SGCD: variants seen among roughly 807,000 people sequenced by gnomAD.
SGCD encodes sarcoglycan delta.
A neutral mutation model predicts 36.6 loss-of-function variants in SGCD; 18 were observed. The ratio of observed to expected loss-of-function variants is 0.49; its 90% CI spans 0.34 to 0.73. The LOEUF (loss-of-function observed/expected upper bound fraction) is 0.73. Ranked by LOEUF, SGCD falls within the 30% of genes least tolerant of loss-of-function variation. The pLI, the probability that SGCD is intolerant of heterozygous loss-of-function variation, is 0.01. For missense variants in SGCD, 387 were observed against 346.7 expected (o/e 1.12, Z -0.92); for synonymous variants, 133 against 130.6 (o/e 1.02, Z -0.12).
At chr5:156,575,265 C>T (rs1420441248) in intron 4 of SGCD, among the ~76,000 whole-genome samples, 1 of 152,166 alleles carries the variant, frequency 6.6e-6, no homozygotes, top group Non-Finnish European at 1.5e-5. Flanking sequence ...AGACAGCTGC[C>T]TCCTTGAACT....
intron 1 of SGCD, among the ~76,000 whole-genome samples, chr5:156,047,384 T>C (rs900915795): frequency 6.6e-6 from 1 of 152,182 alleles, no homozygotes; most frequent in African/African-American, 2.4e-5. Flanking sequence ...AGGACTTTCA[T>C]AGCTAAAGGG....
chr5:156,367,378 A>AAAC (rs138548425), intron 3 of SGCD, among the ~76,000 whole-genome samples: 5 of 152,126 alleles, frequency 3.3e-5, no homozygotes, highest in Admixed American at 6.5e-5. Flanking sequence ...ATTTTTTTTA[A>AAAC]AACAACAACA....
chr5:155,966,588 T>G (rs1757905959), intron 1 of SGCD, among the ~76,000 whole-genome samples: 1 of 152,128 alleles, frequency 6.6e-6, no homozygotes, highest in East Asian at 1.9e-4. Flanking sequence ...CTGCCAGCAT[T>G]TGAATCTCTG....
At chr5:156,215,361 C>T (rs1458054181) in intron 3 of SGCD, among the ~76,000 whole-genome samples, 2 of 151,970 alleles carry the variant, frequency 1.3e-5, no homozygotes, top group Non-Finnish European at 2.9e-5. Flanking sequence ...AAAGCTCATG[C>T]ACAGTAAAGG....
At chr5:156,684,367 T>C (rs1477348352) in intron 7 of SGCD, among the ~76,000 whole-genome samples, 1 of 152,192 alleles carries the variant, frequency 6.6e-6, no homozygotes, top group Non-Finnish European at 1.5e-5. Context: ...TGGATGCTTT[T>C]GATGAGGGTT....
At chr5:156,207,451 C>T (rs1205010055) in intron 3 of SGCD, among the ~76,000 whole-genome samples, 1 of 152,092 alleles carries the variant, frequency 6.6e-6, no homozygotes, top group Non-Finnish European at 1.5e-5. Flanking sequence ...CGAAAATGTG[C>T]TCATGATTTT....
chr5:156,699,272 GAGT>G (rs60111913), intron 7 of SGCD, among the ~76,000 whole-genome samples: 8,518 of 152,164 alleles, frequency 0.056, 383 homozygotes, highest in East Asian at 0.21. Context: ...GGGAAAAGTG[GAGT>G]AGAAGAAGGT....
the SGCD span, among the ~76,000 whole-genome samples, chr5:155,741,708 T>C: frequency 6.7e-6 from 1 of 149,178 alleles, no homozygotes; most frequent in Admixed American, 6.7e-5. Flanking sequence ...TTTTTTTTAA[T>C]TAGGGACTAA....
chr5:155,745,976 G>A, the SGCD span, among the ~76,000 whole-genome samples: 20 of 152,290 alleles, frequency 1.3e-4, no homozygotes, highest in African/African-American at 3.6e-4. Flanking sequence ...CCTCTCCTGT[G>A]TGTACACACT....
chr5:156,393,613 A>G, intron 3 of SGCD: 3 of 411,266 alleles, frequency 7.3e-6, no homozygotes, highest in South Asian at 5.4e-5. Flanking sequence ...AGTCATGTTA[A>G]TAGGTTGAAA....
intron 3 of SGCD, among the ~76,000 whole-genome samples, chr5:156,185,457 G>T (rs557225806): frequency 1.2e-4 from 18 of 151,956 alleles, no homozygotes; most frequent in African/African-American, 4.1e-4. Context: ...CTTGTGATCC[G>T]CCCGCCTTGG....
intron 3 of SGCD, among the ~76,000 whole-genome samples, chr5:156,279,861 G>T (rs2127672847): frequency 6.6e-6 from 1 of 152,084 alleles, no homozygotes; most frequent in South Asian, 2.1e-4. Context: ...CAAAATAATG[G>T]CCCACACAAC....
At chr5:156,286,789 G>A (rs567300130) in intron 3 of SGCD, among the ~76,000 whole-genome samples, 45 of 151,864 alleles carry the variant, frequency 3.0e-4, no homozygotes, top group Non-Finnish European at 4.9e-4. Context: ...AAACCTGCAC[G>A]TTGTGCACAT....
At chr5:156,448,504 A>G (rs971990228) in intron 3 of SGCD, among the ~76,000 whole-genome samples, 4 of 152,104 alleles carry the variant, frequency 2.6e-5, no homozygotes, top group Admixed American at 6.6e-5. Flanking sequence ...AGCTTTGGCA[A>G]TCCCATCTTT....
chr5:155,813,873 C>G, the SGCD span, among the ~76,000 whole-genome samples: 1 of 152,174 alleles, frequency 6.6e-6, no homozygotes, highest in African/African-American at 2.4e-5. Flanking sequence ...ACCATTAAAT[C>G]AGAGTCCTCA....
intron 6 of SGCD, among the ~76,000 whole-genome samples, chr5:156,597,764 AG>A (rs76906458): frequency 0.26 from 39,484 of 152,058 alleles, 5,190 homozygotes; most frequent in East Asian, 0.31. Context: ...TTTTTATAAA[AG>A]GTCTATTGAT....
intron 3 of SGCD, among the ~76,000 whole-genome samples, chr5:156,269,892 T>C (rs555512213): frequency 2.6e-5 from 4 of 152,354 alleles, no homozygotes; most frequent in African/African-American, 9.6e-5. Context: ...ATCTCATTTG[T>C]CACTTTTTGC....
chr5:156,712,770 T>A (rs1226820034), intron 7 of SGCD, among the ~76,000 whole-genome samples: 1 of 152,168 alleles, frequency 6.6e-6, no homozygotes, highest in Non-Finnish European at 1.5e-5. Context: ...CACAGGCCCC[T>A]CTTCCTTCAG....
chr5:156,347,000 T>C (rs955268649), intron 3 of SGCD, among the ~76,000 whole-genome samples: 2 of 152,036 alleles, frequency 1.3e-5, no homozygotes, highest in African/African-American at 4.8e-5. Context: ...GGTTTCACTG[T>C]GTTAGCAAGG....
Sources: gnomAD v4.1 joint callset for allele counts (sites outside exome capture counted in the v4.1 genomes callset) on GRCh38, gnomAD v4.1.1 for gene constraint, MANE v1.5 for transcripts, NCBI Gene and HGNC (gene_info 2026-07-23, HGNC 2026-07-21) for gene names.